Variants in GRK3 observed in about 807,000 individuals in gnomAD.
GRK3 encodes adrenergic, beta, receptor kinase 2.
A neutral mutation model predicts 95.7 loss-of-function variants in GRK3; 54 were observed. The ratio of observed to expected loss-of-function variants is 0.56; its 90% CI spans 0.45 to 0.71. The LOEUF (loss-of-function observed/expected upper bound fraction) is 0.71. Among genes scored for constraint, GRK3 ranks in the 30% least tolerant of loss-of-function variants. GRK3 has a pLI of 0.00. For synonymous variants in GRK3, 281 were observed against 290.8 expected (o/e 0.97, Z 0.34); for missense variants, 649 against 851.2 (o/e 0.76, Z 2.96).
chr22:25,594,742 G>A (rs969086614), intron 1 of GRK3, among the ~76,000 whole-genome samples: 1 of 152,060 alleles, frequency 6.6e-6, no homozygotes, highest in Non-Finnish European at 1.5e-5. Context: ...GCCGGGCGTG[G>A]CGGTGGGCAC....
chr22:25,663,521 G>T (rs1419584190), intron 4 of GRK3, 109 bp from the exon 5 acceptor site: 3 of 632,502 alleles, frequency 4.7e-6, no homozygotes, highest in Non-Finnish European at 8.0e-6. Flanking sequence ...AATTACCGTA[G>T]GTTACTGTTT....
rs547139347 is a variant in GRK3, at chr22:25,655,590, T to G, written c.265-5986T>G. Among the ~76,000 whole-genome samples, 5 of 152,286 alleles carry G rather than the reference T, an allele frequency of 3.3e-5. No individual in the cohort carries two copies. In the East Asian group the frequency reaches 9.7e-4, roughly 29 times the overall value. On this transcript the variant is annotated intron_variant, in intron 3 of 20. Transcript: ENST00000324198. ...CATGTGCCTGCTGCTTGTGTGTGTG[T>G]GGTCAGCATTTTCATCTGGACCATT... is the stretch of plus-strand genomic sequence containing the variant.
chr22:25,575,105 G>C (rs1365460251), intron 1 of GRK3, among the ~76,000 whole-genome samples: 1 of 152,170 alleles, frequency 6.6e-6, no homozygotes, highest in Non-Finnish European at 1.5e-5. Flanking sequence ...TCATCATTTA[G>C]TTGACTGGCT....
intron 4 of GRK3, 41 bp from the exon 5 acceptor site, chr22:25,663,589 T>C: frequency 1.5e-6 from 2 of 1,362,916 alleles, no homozygotes; most frequent in Non-Finnish European, 2.1e-6. Flanking sequence ...ACAGATTGGT[T>C]ACATTTTATT....
intron 2 of GRK3, among the ~76,000 whole-genome samples, chr22:25,636,762 G>C (rs1031379571): frequency 3.3e-5 from 5 of 151,872 alleles, no homozygotes; most frequent in African/African-American, 9.7e-5. Context: ...AAAAACCATA[G>C]ATCAGTTTTG....
chr22:25,586,542 T>C lies in GRK3; in HGVS notation c.114-17835T>C, dbSNP rs553141789. On this transcript the variant is annotated intron_variant, in intron 1 of 20. Transcript: ENST00000324198. ...GATAAATTAAAAAAAATCATGACAG[T>C]CCATTGTGGGAAATGATATAGCAGT... Among the ~76,000 whole-genome samples, 23 of 152,344 alleles carry C rather than the reference T, an allele frequency of 1.5e-4. 1 individual carries two copies. In the South Asian group the frequency reaches 4.1e-3, roughly 27 times the overall value.
At chr22:25,591,589 G>A (rs1400246340) in intron 1 of GRK3, among the ~76,000 whole-genome samples, 12 of 151,830 alleles carry the variant, frequency 7.9e-5, no homozygotes, top group South Asian at 2.1e-4. Context: ...TGGTTGAAAA[G>A]GGCTCCTTAG....
intron 2 of GRK3, among the ~76,000 whole-genome samples, chr22:25,616,885 G>T (rs1486206210): frequency 6.6e-6 from 1 of 152,176 alleles, no homozygotes; most frequent in Non-Finnish European, 1.5e-5. Context: ...TTTGCACAGT[G>T]GGCCATTTGC....
rs1180913453 is a variant in GRK3 at position 25,728,981 on chromosome 22, T to C, written c.*6531T>C. On this transcript the variant is annotated 3_prime_UTR_variant, in exon 21 of 21. Transcript: ENST00000324198. ...ATCCGTTTTCTATTGTGCATTGCTA[T>C]ACGAAGTGAAGCCAGTAAACTAGAT... 1 of 152,260 alleles carries C rather than the reference T, an allele frequency of 6.6e-6. No individual in the cohort carries two copies. The highest frequency in any genetic ancestry group is 1.5e-5 in the Non-Finnish European group (1 of 68,046). 9.4% of individuals were successfully genotyped at this position (152,260 alleles called of 1,614,324 possible). A position where few individuals can be genotyped will look rare whatever the true frequency, so the allele number is the denominator to read the frequency against.
chr22:25,703,960 T>G (rs1944128822), intron 14 of GRK3, 149 bp from the exon 15 acceptor site: 2 of 597,776 alleles, frequency 3.3e-6, no homozygotes, highest in Non-Finnish European at 5.8e-6. Flanking sequence ...TAGTTATCTT[T>G]TCATGTTTCT....
At chr22:25,692,790 T>A (rs1284583958) in intron 12 of GRK3, among the ~76,000 whole-genome samples, 1 of 152,240 alleles carries the variant, frequency 6.6e-6, no homozygotes, top group Non-Finnish European at 1.5e-5. Context: ...ATAATCCAGT[T>A]CTGTCTGATT....
At chr22:25,595,350 A>G (rs571386144) in intron 1 of GRK3, among the ~76,000 whole-genome samples, 7 of 152,350 alleles carry the variant, frequency 4.6e-5, no homozygotes, top group African/African-American at 7.2e-5. Flanking sequence ...TAGCATTTCT[A>G]TACACCAATA....
intron 15 of GRK3, among the ~76,000 whole-genome samples, chr22:25,705,572 A>C (rs2085293390): frequency 6.6e-6 from 1 of 152,188 alleles, no homozygotes; most frequent in South Asian, 2.1e-4. Flanking sequence ...CCTGGTAATA[A>C]ACCTTAAGTT....
In GRK3 at chr22:25,608,445, C is replaced by T. The variant is rs147271115; in HGVS notation, c.190+3992C>T. Among the ~76,000 whole-genome samples, 1,089 of 152,300 alleles carry T rather than the reference C, an allele frequency of 7.2e-3. 18 individuals are homozygous for T. The highest frequency in any genetic ancestry group is 0.024 in the African/African-American group (977 of 41,562). On this transcript the variant is annotated intron_variant, in intron 2 of 20. Coordinates refer to ENST00000324198, the MANE Select transcript of GRK3 (RefSeq NM_005160.4). Reference sequence around the variant, plus strand: ...CGTAACATGGCTAAAAGAGATTCTGCAGGTGGAATTAAGATGATTGTCCGA... The same window carrying T: ...CGTAACATGGCTAAAAGAGATTCTGTAGGTGGAATTAAGATGATTGTCCGA...
Position 25,723,158 on chromosome 22 carries a change from C to G in GRK3, c.*708C>G, listed in dbSNP as rs1025539984. On this transcript the variant is annotated 3_prime_UTR_variant, in exon 21 of 21. Coordinates refer to ENST00000324198, the MANE Select transcript of GRK3 (RefSeq NM_005160.4). ...ATCATTGGAAAGATTTACAGTGATT[C>G]TGAAGGACAGGCCGTGGAGTTTTAG... 1 of 152,244 alleles carries G rather than the reference C, an allele frequency of 6.6e-6. No individual in the cohort carries two copies. Among genetic ancestry groups the G allele is most frequent in the Non-Finnish European group, 1.5e-5 (1 of 68,106 alleles). 9.4% of individuals were successfully genotyped at this position (152,244 alleles called of 1,614,324 possible).
chr22:25,622,571 A>G (rs921733159), intron 2 of GRK3, among the ~76,000 whole-genome samples: 1 of 152,240 alleles, frequency 6.6e-6, no homozygotes, highest in African/African-American at 2.4e-5. Flanking sequence ...GAGGGGAGGC[A>G]GGGAACTGCG....
intron 20 of GRK3, 123 bp from the exon 21 acceptor site, chr22:25,722,166 G>A: frequency 9.6e-7 from 1 of 1,041,684 alleles, no homozygotes. Context: ...GCCACTGGGG[G>A]TGGACACGTA....
At chr22:25,576,690 A>C (rs1171300117) in intron 1 of GRK3, among the ~76,000 whole-genome samples, 2 of 152,208 alleles carry the variant, frequency 1.3e-5, no homozygotes, top group Non-Finnish European at 2.9e-5. Flanking sequence ...TTCTGATTCC[A>C]AATTCAGCGT....
At chr22:25,567,651 G>T (rs537200062) in intron 1 of GRK3, among the ~76,000 whole-genome samples, 1 of 152,340 alleles carries the variant, frequency 6.6e-6, no homozygotes, top group Non-Finnish European at 1.5e-5. Context: ...TCTTGAAAGA[G>T]ATGTTCAGAT....
Sources: allele counts gnomAD v4.1 joint callset (sites outside exome capture counted in the v4.1 genomes callset), GRCh38; gene constraint gnomAD v4.1.1; transcripts MANE v1.5; gene names NCBI Gene and HGNC (gene_info 2026-07-23, HGNC 2026-07-21).